The following PIK3C2G variants were observed in gnomAD, a reference collection of about 807,000 sequenced individuals.
The protein encoded by PIK3C2G is phosphatidylinositol 3-kinase C2 domain-containing subunit gamma.
PIK3C2G carries 168 observed loss-of-function variants against 181.1 expected under a neutral mutation model. The ratio of observed to expected loss-of-function variants is 0.93; its 90% CI spans 0.82 to 1.05. The LOEUF is 1.05. PIK3C2G is among the 50% of genes least tolerant of loss of function. The pLI is 0.00. For synonymous variants in PIK3C2G, 573 were observed against 592.2 expected (o/e 0.97, Z 0.47); for missense variants, 1,869 against 1,732.8 (o/e 1.08, Z -1.40).
At chr12:18,343,199 T>TG in intron 9 of PIK3C2G, 128 bp from the exon 10 acceptor site, 1 of 611,218 alleles carries the variant, frequency 1.6e-6, no homozygotes, top group South Asian at 1.9e-5. Flanking sequence ...TGATATATGA[T>TG]GCCAAGAAAT....
chr12:18,640,815 A>G (rs185117805), intron 32 of PIK3C2G, among the ~76,000 whole-genome samples: 1 of 152,242 alleles, frequency 6.6e-6, no homozygotes, highest in East Asian at 1.9e-4. Context: ...TGTTTTGCAT[A>G]CTAACTTTAT....
intron 18 of PIK3C2G, among the ~76,000 whole-genome samples, chr12:18,425,661 A>T (rs566020192): frequency 4.0e-4 from 61 of 152,236 alleles, no homozygotes; most frequent in African/African-American, 1.4e-3. Flanking sequence ...AAGTGCTGGG[A>T]TTACAGGTGT....
At chr12:18,538,361 C>T (rs761857979) in intron 25 of PIK3C2G, 49 bp downstream of exon 25, 3 of 1,509,846 alleles carry the variant, frequency 2.0e-6, no homozygotes, top group Non-Finnish European at 2.7e-6. Flanking sequence ...TCATTTATGC[C>T]TCTGCTTCAG....
At chr12:18,466,126 A>T (rs1004875226) in intron 18 of PIK3C2G, among the ~76,000 whole-genome samples, 1 of 151,720 alleles carries the variant, frequency 6.6e-6, no homozygotes, top group South Asian at 2.1e-4. Flanking sequence ...ATAGTTCTAA[A>T]TTTATTTTAA....
chr12:18,477,372 A>G (rs1255792747), intron 18 of PIK3C2G, among the ~76,000 whole-genome samples: 1 of 152,204 alleles, frequency 6.6e-6, no homozygotes, highest in East Asian at 1.9e-4. Context: ...GTACAGTTAC[A>G]GAGAGAGCAT....
At chr12:18,695,739 G>T in the PIK3C2G span, among the ~76,000 whole-genome samples, 63,814 of 151,896 alleles carry the variant, frequency 0.42, 13,779 homozygotes, top group Middle Eastern at 0.49. Flanking sequence ...AACCAAGTTA[G>T]GCAATCTTAT....
intron 29 of PIK3C2G, among the ~76,000 whole-genome samples, chr12:18,593,543 T>G (rs1947197954): frequency 6.6e-6 from 1 of 151,960 alleles, no homozygotes; most frequent in Admixed American, 6.6e-5. Context: ...TGACAGCTAC[T>G]ATGGCATCAG....
intron 31 of PIK3C2G, among the ~76,000 whole-genome samples, chr12:18,620,406 T>G (rs1353391462): frequency 1.3e-5 from 2 of 152,140 alleles, no homozygotes; most frequent in South Asian, 4.1e-4. Context: ...TAATTCAGCT[T>G]TCTTTTGATT....
At chr12:18,521,274 G>A (rs1942895820) in intron 24 of PIK3C2G, among the ~76,000 whole-genome samples, 1 of 152,216 alleles carries the variant, frequency 6.6e-6, no homozygotes, top group Non-Finnish European at 1.5e-5. Context: ...TGACTGTCCT[G>A]TGGTAGAAGG....
intron 8 of PIK3C2G, among the ~76,000 whole-genome samples, chr12:18,334,689 C>G (rs1414516524): frequency 2.0e-5 from 3 of 152,084 alleles, no homozygotes; most frequent in African/African-American, 7.2e-5. Context: ...TGTATCACCT[C>G]TATGAAAATG....
At chr12:18,499,937 T>G (rs1340795482) in intron 22 of PIK3C2G, among the ~76,000 whole-genome samples, 1 of 152,054 alleles carries the variant, frequency 6.6e-6, no homozygotes, top group Non-Finnish European at 1.5e-5. Flanking sequence ...AACATATTAG[T>G]GCGTTTTCAC....
the PIK3C2G span, chr12:18,688,306 A>T: frequency 2.2e-6 from 3 of 1,383,734 alleles, no homozygotes; most frequent in Non-Finnish European, 3.0e-6. Flanking sequence ...TATTACAAAA[A>T]GTTGATGGAC....
intron 2 of PIK3C2G, among the ~76,000 whole-genome samples, chr12:18,283,915 T>C (rs1287060752): frequency 6.6e-6 from 1 of 152,090 alleles, no homozygotes; most frequent in East Asian, 1.9e-4. Flanking sequence ...ATCATCTCAG[T>C]CTGTGCCTGA....
chr12:18,284,595 A>G (rs537105140), intron 2 of PIK3C2G, among the ~76,000 whole-genome samples: 1 of 152,310 alleles, frequency 6.6e-6, no homozygotes, highest in Non-Finnish European at 1.5e-5. Context: ...TTGGTTATTA[A>G]AAGTATGTTC....
intron 26 of PIK3C2G, among the ~76,000 whole-genome samples, chr12:18,560,491 A>G (rs1945291122): frequency 6.6e-6 from 1 of 152,066 alleles, no homozygotes; most frequent in Admixed American, 6.5e-5. Flanking sequence ...AGAATTAGAA[A>G]TAAAAGAAAA....
the PIK3C2G span, among the ~76,000 whole-genome samples, chr12:18,664,689 T>C: frequency 6.6e-6 from 1 of 151,820 alleles, no homozygotes; most frequent in Non-Finnish European, 1.5e-5. Context: ...ATCATGCTGC[T>C]ATAAAGACAC....
intron 5 of PIK3C2G, among the ~76,000 whole-genome samples, chr12:18,298,402 T>C (rs1414394743): frequency 2.5e-5 from 3 of 118,514 alleles, no homozygotes; most frequent in Non-Finnish European, 5.8e-5. Context: ...AGTTTGTGTG[T>C]TTTTTCTTTT....
At chr12:18,664,576 G>C in the PIK3C2G span, among the ~76,000 whole-genome samples, 1 of 152,092 alleles carries the variant, frequency 6.6e-6, no homozygotes, top group Admixed American at 6.6e-5. Context: ...CAAAATCATG[G>C]AGACAATGAG....
At chr12:18,266,629 T>A (rs1948511805) in intron 1 of PIK3C2G, among the ~76,000 whole-genome samples, 1 of 152,136 alleles carries the variant, frequency 6.6e-6, no homozygotes, top group African/African-American at 2.4e-5. Flanking sequence ...CTTACATATG[T>A]TCAAATATGT....
Sources: gnomAD v4.1 joint callset for allele counts (sites outside exome capture counted in the v4.1 genomes callset) on GRCh38, gnomAD v4.1.1 for gene constraint, MANE v1.5 for transcripts, NCBI Gene and HGNC (gene_info 2026-07-23, HGNC 2026-07-21) for gene names.